Variants in STAU2 observed in about 807,000 individuals in gnomAD.
The protein encoded by STAU2 is double-stranded RNA-binding protein Staufen homolog 2.
STAU2 carries 20 observed loss-of-function variants against 65.9 expected under a neutral mutation model. That is an observed-to-expected ratio of 0.30 (90% CI 0.21 to 0.44). STAU2 has a LOEUF of 0.44. STAU2 is among the 20% of genes least tolerant of loss of function. The probability of loss-of-function intolerance (pLI) is 1.00; values close to 1 mark genes in which losing one functional copy is unlikely to be tolerated. For synonymous variants in STAU2, 232 were observed against 233.9 expected (o/e 0.99, Z 0.07); for missense variants, 558 against 683.9 (o/e 0.82, Z 2.05).
At position 73,727,375 on chromosome 8, in the gene STAU2, T is replaced by C. The variant is rs577711708; in HGVS notation, c.-18+10909A>G. On this transcript the variant is annotated intron_variant, in intron 3 of 14. Transcript: ENST00000524300. The stretch of plus-strand genomic sequence containing the variant: ...TCAACACCCATTAGGCAGTTGCTTC[T>C]CATTCACCCTTAATCCCAGGCCCTG... Among the ~76,000 whole-genome samples the C allele has an allele frequency of 1.2e-4, 19 of 152,358 alleles. No individual in the cohort carries two copies. In the South Asian group the frequency reaches 3.5e-3, roughly 28 times the overall value.
chr8:73,524,028 C>G lies in STAU2; in HGVS notation c.1530+27984G>C, dbSNP rs563255405. 5.9e-5 allele frequency among the ~76,000 whole-genome samples: 9 copies of G among 152,146 alleles called. No individual in the cohort carries two copies. The East Asian group carries it at 1.7e-3, about 29-fold the overall frequency. The stretch of plus-strand genomic sequence containing the variant: ...TGCCACTGCACTCCAGCCTGGGTGA[C>G]AGAGCAAAACTCTGTCTCAAAATAA... On this transcript the variant is annotated intron_variant, in intron 13 of 14. Coordinates refer to ENST00000524300, the MANE Select transcript of STAU2 (RefSeq NM_001164380.2).
At chr8:73,493,923 T>C (rs1821267979) in intron 13 of STAU2, among the ~76,000 whole-genome samples, 1 of 151,780 alleles carries the variant, frequency 6.6e-6, no homozygotes, top group Non-Finnish European at 1.5e-5. Flanking sequence ...AAATTATGGA[T>C]ACACAGAACA....
At chr8:73,594,862 C>G (rs372862650) in intron 11 of STAU2, among the ~76,000 whole-genome samples, 73 of 152,226 alleles carry the variant, frequency 4.8e-4, no homozygotes, top group African/African-American at 1.7e-3. Flanking sequence ...TTAAAAGGCA[C>G]AAATTAAGAC....
At chr8:73,636,374 C>G (rs1331671682) in intron 6 of STAU2, among the ~76,000 whole-genome samples, 1 of 149,598 alleles carries the variant, frequency 6.7e-6, no homozygotes, top group Non-Finnish European at 1.5e-5. Flanking sequence ...GAGGGCCTGT[C>G]TAAAACATAC....
At chr8:73,698,296 A>G (rs886884324) in intron 4 of STAU2, among the ~76,000 whole-genome samples, 1 of 152,142 alleles carries the variant, frequency 6.6e-6, no homozygotes, top group Admixed American at 6.5e-5. Context: ...ATGGCAGGAG[A>G]AAGTTCCTAT....
At chr8:73,481,959 G>A (rs1820656010) in intron 13 of STAU2, among the ~76,000 whole-genome samples, 1 of 152,150 alleles carries the variant, frequency 6.6e-6, no homozygotes, top group African/African-American at 2.4e-5. Flanking sequence ...GTTAGTCTGT[G>A]TGTATATAGT....
In STAU2 at chr8:73,615,751, T is replaced by A. The variant is rs763078594; in HGVS notation, c.602A>T (p.Asp201Val). ...NGESGKDVDD[D>V]KDANKSEISL... ...GATCTCAGACTTATTTGCATCTTTG[T>A]CATCATCCACATCCTTTCCTGATTC... Residue 201 changes from aspartate (D) to valine (V), a missense_variant, in exon 8 of 15, where the codon GAC becomes GTC. By Grantham distance (152) the Asp-to-Val change is radical. This residue lies in a region of STAU2 where 199 missense variants were observed against 299.5 expected (regional missense o/e 0.66). Coordinates refer to ENST00000524300, the MANE Select transcript of STAU2 (RefSeq NM_001164380.2). 1 of 1,613,650 alleles carries A rather than the reference T, an allele frequency of 6.2e-7. No homozygotes were observed. The highest frequency in any genetic ancestry group is 1.7e-5 in the Admixed American group (1 of 60,024).
chr8:73,530,683 G>A (rs1310896778), intron 13 of STAU2, among the ~76,000 whole-genome samples: 1 of 152,094 alleles, frequency 6.6e-6, no homozygotes, highest in Non-Finnish European at 1.5e-5. Context: ...ACAGAAATTG[G>A]GCTTGGAGGT....
intron 4 of STAU2, among the ~76,000 whole-genome samples, chr8:73,701,829 A>G (rs1820125277): frequency 1.3e-5 from 2 of 152,186 alleles, no homozygotes; most frequent in African/African-American, 4.8e-5. Flanking sequence ...GAATCAACCT[A>G]AGTGTCCATC....
chr8:73,557,101 C>G (rs977881846), intron 12 of STAU2, among the ~76,000 whole-genome samples: 1 of 152,080 alleles, frequency 6.6e-6, no homozygotes, highest in Non-Finnish European at 1.5e-5. Flanking sequence ...AACAGCATTA[C>G]TTCAGTATTG....
chr8:73,421,614 CTGA>C, intron 14 of STAU2, 149 bp from the exon 15 acceptor site: 1 of 692,838 alleles, frequency 1.4e-6, no homozygotes, highest in South Asian at 1.9e-5. Context: ...AGATAGTCTA[CTGA>C]TGAGATCATG....
chr8:73,692,144 G>A (rs1375814608), intron 4 of STAU2, among the ~76,000 whole-genome samples: 1 of 151,896 alleles, frequency 6.6e-6, no homozygotes, highest in African/African-American at 2.4e-5. Flanking sequence ...GGCACACCCA[G>A]ACAGGGCTTG....
upstream of STAU2, chr8:73,746,881 C>T: frequency 4.3e-6 from 5 of 1,166,436 alleles, no homozygotes; most frequent in Non-Finnish European, 5.3e-6. Context: ...CCTCGGGCTC[C>T]CCGCCCCCCG....
chr8:73,454,793 G>A (rs1043270880), intron 13 of STAU2, among the ~76,000 whole-genome samples: 32 of 152,222 alleles, frequency 2.1e-4, no homozygotes, highest in African/African-American at 7.0e-4. Context: ...ATGGTCTGTA[G>A]ATGTATATTA....
Position 73,694,434 on chromosome 8 carries a change from C to T in STAU2, c.115-5621G>A, listed in dbSNP as rs555982377. ...TTACCAAGACAGACCATATTCTGGG[C>T]CATAAAATAAGTCTCAATAAATACA... On this transcript the variant is annotated intron_variant, in intron 4 of 14. Coordinates refer to ENST00000524300, the MANE Select transcript of STAU2 (RefSeq NM_001164380.2). Among the ~76,000 whole-genome samples, 5 of 152,228 alleles carry T rather than the reference C, an allele frequency of 3.3e-5. No individual in the cohort carries two copies. In the South Asian group the frequency reaches 1.0e-3, roughly 32 times the overall value.
At chr8:73,675,813 T>G (rs188408964) in intron 5 of STAU2, among the ~76,000 whole-genome samples, 25 of 152,314 alleles carry the variant, frequency 1.6e-4, no homozygotes, top group African/African-American at 5.5e-4. Flanking sequence ...TGTAAAGGTT[T>G]GGGATGATTA....
At chr8:73,532,650 A>C (rs2128933818) in intron 13 of STAU2, among the ~76,000 whole-genome samples, 1 of 152,320 alleles carries the variant, frequency 6.6e-6, no homozygotes, top group East Asian at 1.9e-4. Context: ...AATTTTAAAA[A>C]TGAGAGTCTG....
chr8:73,462,078 C>CTTATTTAT (rs34464950), intron 13 of STAU2, among the ~76,000 whole-genome samples: 3 of 151,098 alleles, frequency 2.0e-5, no homozygotes, highest in Non-Finnish European at 4.4e-5. Context: ...TTTTTATTTA[C>CTTATTTAT]TTATTTATTT....
At chr8:73,550,816 T>C in intron 13 of STAU2, 1 of 987,322 alleles carries the variant, frequency 1.0e-6, no homozygotes, top group Non-Finnish European at 1.2e-6. Flanking sequence ...AACAACTACC[T>C]GGCAATAGTT....
Sources: gnomAD v4.1 joint callset for allele counts (sites outside exome capture counted in the v4.1 genomes callset) on GRCh38, gnomAD v4.1.1 for gene constraint, gnomAD v4.1.1 regional missense constraint, MANE v1.5 for transcripts, NCBI Gene and HGNC (gene_info 2026-07-23, HGNC 2026-07-21) for gene names.